Variants in CIITA observed in about 807,000 individuals in gnomAD.
CIITA encodes the protein class II major histocompatibility complex transactivator, also known as MHC class II transactivator.
A neutral mutation model predicts 115.1 loss-of-function variants in CIITA; 72 were observed. The ratio of observed to expected loss-of-function variants is 0.63; its 90% CI spans 0.52 to 0.76. The LOEUF is 0.76. Ranked by LOEUF, CIITA falls within the 30% of genes least tolerant of loss-of-function variation. CIITA has a pLI of 0.00. For missense variants in CIITA, 1,617 were observed against 1,463.8 expected, an observed-to-expected ratio of 1.10 and a Z score of -1.71; for synonymous variants, 763 against 635.6, an observed-to-expected ratio of 1.20 and a Z score of -3.02.
intron 8 of CIITA, 129 bp downstream of exon 8, chr16:10,902,930 C>T: frequency 8.7e-7 from 1 of 1,145,516 alleles, no homozygotes; most frequent in Non-Finnish European, 1.3e-6. Flanking sequence ...CCCTCCCCAG[C>T]ACAACTTTCT....
At position 10,902,572 on chromosome 16, in the gene CIITA, G is replaced by T. The variant is rs11640448; in HGVS notation, c.629-86G>T. The T allele has an allele frequency of 1.5e-4, 235 of 1,559,898 alleles. 2 individuals carry two copies. In the South Asian group the frequency reaches 2.5e-3, roughly 17 times the overall value. On this transcript the variant is annotated intron_variant, in intron 7 of 19. Coordinates refer to ENST00000324288, the MANE Select transcript of CIITA (RefSeq NM_000246.4). ...AGGGAAATTAGGGCCCTTTAGGGGG[G>T]TCAGACATTAATCAAATAAGCAAAA... is the stretch of plus-strand genomic sequence containing the variant.
chr16:10,866,267 C>G (rs1313260645), exon 1 of CIITA: 1 of 549,480 alleles, frequency 1.8e-6, no homozygotes, highest in Non-Finnish European at 3.6e-6. Flanking sequence ...GCCAGGGCAG[C>G]TGCCCTGACT....
At chr16:10,897,087 G>A (rs2038208382) in intron 3 of CIITA, among the ~76,000 whole-genome samples, 1 of 152,224 alleles carries the variant, frequency 6.6e-6, no homozygotes, top group South Asian at 2.1e-4. Flanking sequence ...AGCTGTCTAA[G>A]CAAATAGGTG....
intron 16 of CIITA, among the ~76,000 whole-genome samples, chr16:10,921,462 T>C (rs77409432): frequency 1.3e-5 from 2 of 152,218 alleles, no homozygotes; most frequent in Non-Finnish European, 2.9e-5. Flanking sequence ...TCCTGTGATG[T>C]AGTCAGAACC....
At chr16:10,872,329 G>T (rs530618910), upstream of CIITA, among the ~76,000 whole-genome samples, 2 of 151,982 alleles carry the variant, frequency 1.3e-5, no homozygotes, top group South Asian at 4.1e-4. Context: ...CATCATGTTG[G>T]CCAGGCTGGT....
rs952338999 is a variant in CIITA at position 10,869,286 on chromosome 16, A to G, written c.-21+2967A>G. Among the ~76,000 whole-genome samples the G allele has an allele frequency of 3.9e-5, 6 of 152,266 alleles. No individual in the cohort carries two copies. In the East Asian group the frequency reaches 1.2e-3, roughly 29 times the overall value. On this transcript the variant is annotated intron_variant, in intron 1 of 5. Transcript: ENST00000636238. ...TCTGCCTTGTTCATCTACTCCAGCC[A>G]TGTTGGCACCCTCGCTGTTCCTTAG...
intron 15 of CIITA, chr16:10,916,851 A>T: frequency 2.6e-6 from 1 of 377,724 alleles, no homozygotes; most frequent in Non-Finnish European, 5.0e-6. Context: ...AATTTAATCA[A>T]CAAATATTTA....
At chr16:10,915,436 A>G (rs914990675) in intron 13 of CIITA, 134 bp from the exon 14 acceptor site, 2 of 737,478 alleles carry the variant, frequency 2.7e-6, no homozygotes, top group Admixed American at 3.9e-5. Context: ...GGGACCTAAG[A>G]GGCTGGGGTG....
chr16:10,897,886 C>T (rs1417852459), intron 3 of CIITA, among the ~76,000 whole-genome samples: 2 of 152,152 alleles, frequency 1.3e-5, no homozygotes, highest in African/African-American at 4.8e-5. Flanking sequence ...CTATGGCTCC[C>T]CATTGCTTAT....
intron 2 of CIITA, 110 bp from the exon 3 acceptor site, chr16:10,895,559 G>C: frequency 6.5e-7 from 1 of 1,545,712 alleles, no homozygotes; most frequent in Non-Finnish European, 8.9e-7. Context: ...TCTGTGGGAC[G>C]CTCTCTGCAG....
At position 10,929,393 on chromosome 16, in the gene CIITA, C is replaced by G. The variant is rs190916651; in HGVS notation, c.*5538C>G. 8.1e-6 allele frequency: 8 copies of G among 985,764 alleles called. No individual in the cohort carries two copies. The South Asian group carries it at 2.8e-4, about 35-fold the overall frequency. The allele number at this position is 985,764 out of a possible 1,614,324, so 61.1% of individuals were successfully genotyped here. On this transcript the variant is annotated 3_prime_UTR_variant, in exon 20 of 20. Coordinates refer to ENST00000324288, the MANE Select transcript of CIITA (RefSeq NM_000246.4). The surrounding 1 kb of genome is among the most constrained non-coding windows in gnomAD (Gnocchi z 4.3). The stretch of plus-strand genomic sequence containing the variant: ...TAATCAGAAGCCAAGGCCAGGCCAT[C>G]GATTTGACACTGCAGGCAGATGAGG...
intron 13 of CIITA, among the ~76,000 whole-genome samples, chr16:10,910,679 G>A (rs1464810547): frequency 2.0e-5 from 3 of 152,154 alleles, no homozygotes; most frequent in Admixed American, 2.0e-4. Flanking sequence ...AGGCTTTCCA[G>A]GAATTGTAAT....
rs1416368132 is a variant in CIITA at position 10,910,176 on chromosome 16, T to C, written c.2817-12T>C. The C allele has an allele frequency of 1.2e-6, 2 of 1,613,358 alleles. No individual in the cohort carries two copies. Among genetic ancestry groups the C allele is most frequent in the Admixed American group, 3.3e-5 (2 of 60,002 alleles). ...AGTGCCTGCTCCCCCTAACATTGCCTGTTCTCTCCAGGACGAGAAGTTCCT... is the reference window on the plus strand; with the variant it reads ...AGTGCCTGCTCCCCCTAACATTGCCCGTTCTCTCCAGGACGAGAAGTTCCT... On this transcript the variant is annotated splice_polypyrimidine_tract_variant and intron_variant, in intron 12 of 19. Coordinates refer to ENST00000324288, the MANE Select transcript of CIITA (RefSeq NM_000246.4).
chr16:10,879,042 G>A lies in CIITA; in HGVS notation c.52+1660G>A, dbSNP rs1383270549. 2 of 213,912 alleles carry A rather than the reference G, an allele frequency of 9.3e-6. No individual in the cohort carries two copies. Among genetic ancestry groups the A allele is most frequent in the Admixed American group, 1.2e-4 (2 of 17,068 alleles). 13.3% of individuals were successfully genotyped at this position (213,912 alleles called of 1,614,324 possible). ...CGCGCGCGGGAGCCCGGGGAACAGCGGTAGGTGACCAAAGTCTCCTCTGTA... is the reference window on the plus strand; with the variant it reads ...CGCGCGCGGGAGCCCGGGGAACAGCAGTAGGTGACCAAAGTCTCCTCTGTA... On this transcript the variant is annotated intron_variant, in intron 1 of 19. Transcript: ENST00000324288. The surrounding 1 kb of genome is among the most constrained non-coding windows in gnomAD (Gnocchi z 4.3).
upstream of CIITA, among the ~76,000 whole-genome samples, chr16:10,876,860 T>C (rs900280545): frequency 2.0e-5 from 3 of 152,184 alleles, no homozygotes; most frequent in African/African-American, 2.4e-5. Flanking sequence ...GGCGGAGGGC[T>C]ATGATACTGG....
In CIITA at chr16:10,928,078, T is replaced by C. The variant is rs1051106379; in HGVS notation, c.*4223T>C. ...CTTTTCAGATTTCGTAGCTTTTCTT[T>C]CTTTAGCATCACTTGAGGGCAAGTG... is the stretch of plus-strand genomic sequence containing the variant. On this transcript the variant is annotated 3_prime_UTR_variant, in exon 20 of 20. Coordinates refer to ENST00000324288, the MANE Select transcript of CIITA (RefSeq NM_000246.4). The C allele has an allele frequency of 6.6e-6, 1 of 152,206 alleles. No individual in the cohort carries two copies. Among genetic ancestry groups the C allele is most frequent in the African/African-American group, 2.4e-5 (1 of 41,438 alleles). The allele number at this position is 152,206 out of a possible 1,614,324, so 9.4% of individuals were successfully genotyped here. A position where few individuals can be genotyped will look rare whatever the true frequency, so the allele number is the denominator to read the frequency against.
intron 8 of CIITA, 144 bp downstream of exon 8, chr16:10,902,945 C>G: frequency 9.7e-7 from 1 of 1,026,658 alleles, no homozygotes; most frequent in Non-Finnish European, 1.4e-6. Context: ...CTTTCTCTGT[C>G]CCTATTTCCC....
At chr16:10,922,614 C>T in intron 18 of CIITA, 124 bp downstream of exon 18, 1 of 922,238 alleles carries the variant, frequency 1.1e-6, no homozygotes, top group Non-Finnish European at 1.7e-6. Flanking sequence ...TGAGCAGACA[C>T]TTCCCCCTCT....
rs1405927134 is a variant in CIITA, at chr16:10,908,148, A to C, written c.2656A>C (p.Arg886=). 1 of 1,559,302 alleles carries C rather than the reference A, an allele frequency of 6.4e-7. No homozygotes were observed. Among genetic ancestry groups the C allele is most frequent in the Admixed American group, 1.9e-5 (1 of 51,634 alleles). Reference sequence around the variant, plus strand: ...GGGACTCAGCTGTGTCACCCGTTTCAGGTGGGGTGAGGGGCTTGGGGAAGA... The same window carrying C: ...GGGACTCAGCTGTGTCACCCGTTTCCGGTGGGGTGAGGGGCTTGGGGAAGA... ...LVGLSCVTRF[R]AALSDTVALW... Residue 886 remains arginine (R), a splice_region_variant and synonymous_variant, in exon 11 of 20, where the codon AGG becomes CGG. Transcript: ENST00000324288.
Sources: allele counts gnomAD v4.1 joint callset (sites outside exome capture counted in the v4.1 genomes callset), GRCh38; gene constraint gnomAD v4.1.1; non-coding constraint Gnocchi (gnomAD v3.1); transcripts MANE v1.5; gene names NCBI Gene and HGNC (gene_info 2026-07-23, HGNC 2026-07-21).